The following ZBTB8A variants were observed in gnomAD, a reference collection of about 807,000 sequenced individuals.
ZBTB8A encodes zinc finger and BTB domain-containing protein 8A.
ZBTB8A carries 19 observed loss-of-function variants against 37.8 expected under a neutral mutation model. The observed-to-expected ratio is 0.50, with a 90% CI of 0.35 to 0.74. The LOEUF (loss-of-function observed/expected upper bound fraction) is 0.74. ZBTB8A is among the 30% of genes least tolerant of loss of function. ZBTB8A has a pLI of 0.01. For missense variants in ZBTB8A, 394 were observed against 537.8 expected (o/e 0.73, Z 2.65); for synonymous variants, 181 against 185.2 (o/e 0.98, Z 0.19).
rs1256130156 is a variant in ZBTB8A, at chr1:32,553,525, A to T, written c.-17A>T. The T allele has an allele frequency of 6.6e-6, 1 of 152,180 alleles. No homozygotes were observed. Among genetic ancestry groups the T allele is most frequent in the South Asian group, 2.1e-4 (1 of 4,830 alleles). 9.4% of individuals were successfully genotyped at this position (152,180 alleles called of 1,614,324 possible). On this transcript the variant is annotated 5_prime_UTR_variant, in exon 2 of 5. Transcript: ENST00000373510. The stretch of plus-strand genomic sequence containing the variant: ...CTTTTTTACTCCATTCAAGAGCAGC[A>T]TTCATAAATTTCCAGGTATGACAAA...
intron 1 of ZBTB8A, among the ~76,000 whole-genome samples, chr1:32,545,299 C>G (rs968177493): frequency 6.6e-6 from 1 of 152,072 alleles, no homozygotes; most frequent in Non-Finnish European, 1.5e-5. Flanking sequence ...GAGGTAGTAT[C>G]TCATTGTGAT....
At chr1:32,598,127 T>G (rs1462266731) in intron 4 of ZBTB8A, among the ~76,000 whole-genome samples, 2 of 151,980 alleles carry the variant, frequency 1.3e-5, no homozygotes, top group African/African-American at 4.8e-5. Flanking sequence ...GTTTACTGAT[T>G]AATATGTCAA....
intron 2 of ZBTB8A, among the ~76,000 whole-genome samples, chr1:32,581,817 C>T (rs1644409022): frequency 6.6e-6 from 1 of 152,120 alleles, no homozygotes; most frequent in South Asian, 2.1e-4. Context: ...GAAGGAGAAG[C>T]AGGCATCTTT....
chr1:32,551,344 C>A (rs1644153732), intron 1 of ZBTB8A, among the ~76,000 whole-genome samples: 1 of 152,050 alleles, frequency 6.6e-6, no homozygotes, highest in Non-Finnish European at 1.5e-5. Flanking sequence ...ATCACTTGAG[C>A]CTGAGAGGTC....
At chr1:32,540,210 A>G (rs1279230576) in intron 1 of ZBTB8A, among the ~76,000 whole-genome samples, 1 of 151,948 alleles carries the variant, frequency 6.6e-6, no homozygotes. Flanking sequence ...ACCCATGCGG[A>G]CCGCCTCTTT....
rs1201246810 is a variant in ZBTB8A, at chr1:32,539,547, G to A, written c.-109G>A. 6.0e-5 allele frequency: 9 copies of A among 150,386 alleles called. No individual in the cohort carries two copies. Among genetic ancestry groups the A allele is most frequent in the African/African-American group, 2.2e-4 (9 of 41,254 alleles). The allele number at this position is 150,386 out of a possible 1,614,324, so 9.3% of individuals were successfully genotyped here. On this transcript the variant is annotated 5_prime_UTR_variant, in exon 1 of 5. Transcript: ENST00000373510. ...GAATCTTCCCTCGGCCCGCGCGCGC[G>A]ACCGGCCGGTGCGCCGCGGCCCGCG...
At chr1:32,553,041 T>C (rs1198040529) in intron 1 of ZBTB8A, among the ~76,000 whole-genome samples, 1 of 151,284 alleles carries the variant, frequency 6.6e-6, no homozygotes, top group Non-Finnish European at 1.5e-5. Flanking sequence ...TTAAAAATTG[T>C]ATCTGACAGA....
In ZBTB8A at chr1:32,605,826, G is replaced by T. The variant is rs1445377547; in HGVS notation, c.*5407G>T. On this transcript the variant is annotated 3_prime_UTR_variant, in exon 5 of 5. Transcript: ENST00000373510. ...GACCATCAGCCTAATTCACTGAGGT[G>T]TGTTGTGTATCACTCTATTTTATAG... The T allele has an allele frequency of 1.3e-5, 2 of 151,900 alleles. No individual in the cohort carries two copies. Among genetic ancestry groups the T allele is most frequent in the Non-Finnish European group, 2.9e-5 (2 of 68,040 alleles). The allele number at this position is 151,900 out of a possible 1,614,324, so 9.4% of individuals were successfully genotyped here.
rs1206664364 is a variant in ZBTB8A, at chr1:32,602,288, A to C, written c.*1869A>C. The C allele has an allele frequency of 1.4e-5, 2 of 140,242 alleles. No homozygotes were observed. Among genetic ancestry groups the C allele is most frequent in the East Asian group, 5.1e-4 (2 of 3,888 alleles). 8.7% of individuals were successfully genotyped at this position (140,242 alleles called of 1,614,324 possible). A position where few individuals can be genotyped will look rare whatever the true frequency, so the allele number is the denominator to read the frequency against. On this transcript the variant is annotated 3_prime_UTR_variant, in exon 5 of 5. Coordinates refer to ENST00000373510, the MANE Select transcript of ZBTB8A (RefSeq NM_001040441.3). The stretch of plus-strand genomic sequence containing the variant: ...GGCTGCGGTGGGCTGAGGTTGCGCC[A>C]TTGCACTCCAGCCTGGGCAACAAGA...
At chr1:32,539,831 C>T (rs1644036785) in intron 1 of ZBTB8A, among the ~76,000 whole-genome samples, 1 of 13,524 alleles carries the variant, frequency 7.4e-5, no homozygotes, top group African/African-American at 2.9e-4. Flanking sequence ...GGCGGGAAGG[C>T]GCGCGGAGCC....
intron 2 of ZBTB8A, among the ~76,000 whole-genome samples, chr1:32,565,923 C>T (rs1239404972): frequency 5.9e-5 from 9 of 151,984 alleles, no homozygotes; most frequent in South Asian, 2.1e-4. Flanking sequence ...TAATTCTGGC[C>T]GGGCACCGTG....
At chr1:32,559,888 C>T (rs1421058794) in intron 2 of ZBTB8A, among the ~76,000 whole-genome samples, 1 of 152,126 alleles carries the variant, frequency 6.6e-6, no homozygotes, top group Non-Finnish European at 1.5e-5. Context: ...GCACGCTCAG[C>T]CCCCTTGCCA....
chr1:32,542,402 C>T (rs1472661297), intron 1 of ZBTB8A, among the ~76,000 whole-genome samples: 3 of 148,672 alleles, frequency 2.0e-5, no homozygotes, highest in Non-Finnish European at 4.5e-5. Context: ...GGTGAAACCC[C>T]ATCTTCTTTA....
chr1:32,544,659 T>A (rs1644088122), intron 1 of ZBTB8A, among the ~76,000 whole-genome samples: 1 of 152,210 alleles, frequency 6.6e-6, no homozygotes, highest in Admixed American at 6.5e-5. Flanking sequence ...ATGGTGCTAC[T>A]GCACTCCAGC....
In ZBTB8A at chr1:32,539,460, T is replaced by C. The variant is rs962810402; in HGVS notation, c.-196T>C. On this transcript the variant is annotated 5_prime_UTR_variant, in exon 1 of 5. Coordinates refer to ENST00000373510, the MANE Select transcript of ZBTB8A (RefSeq NM_001040441.3). ...CCTTTTGTTTCTCTCACGTTGGGGCTACTTGTTTTAGGGCGCAAAGGAACG... is the reference window on the plus strand; with the variant it reads ...CCTTTTGTTTCTCTCACGTTGGGGCCACTTGTTTTAGGGCGCAAAGGAACG... The C allele has an allele frequency of 2.6e-5, 4 of 152,460 alleles. No individual in the cohort carries two copies. Among genetic ancestry groups the C allele is most frequent in the African/African-American group, 9.7e-5 (4 of 41,416 alleles). 9.4% of individuals were successfully genotyped at this position (152,460 alleles called of 1,614,324 possible). A position where few individuals can be genotyped will look rare whatever the true frequency, so the allele number is the denominator to read the frequency against.
intron 1 of ZBTB8A, among the ~76,000 whole-genome samples, chr1:32,541,591 A>G (rs1370949837): frequency 6.6e-6 from 1 of 152,170 alleles, no homozygotes; most frequent in Non-Finnish European, 1.5e-5. Flanking sequence ...ATAAAGAACA[A>G]ATTTATTTCT....
In ZBTB8A at chr1:32,563,195, C is replaced by T. The variant is rs952233701; in HGVS notation, c.-2+9655C>T. Reference sequence around the variant, plus strand: ...GGCAAATCATCTACTGCCAGAGGCTCCTGATAGAATCACGTGAGAATGAGG... The same window carrying T: ...GGCAAATCATCTACTGCCAGAGGCTTCTGATAGAATCACGTGAGAATGAGG... On this transcript the variant is annotated intron_variant, in intron 2 of 4. Transcript: ENST00000373510. Among the ~76,000 whole-genome samples the T allele has an allele frequency of 4.6e-5, 7 of 152,126 alleles. No homozygotes were observed. The East Asian group carries it at 1.2e-3, about 25-fold the overall frequency.
chr1:32,595,350 C>T (rs1005743178), intron 4 of ZBTB8A, 127 bp downstream of exon 4: 1 of 891,142 alleles, frequency 1.1e-6, no homozygotes, highest in Non-Finnish European at 1.7e-6. Flanking sequence ...TCGCTGCAAC[C>T]TCTGCCTCCC....
chr1:32,558,079 T>TA (rs1274104520), intron 2 of ZBTB8A, among the ~76,000 whole-genome samples: 4 of 152,142 alleles, frequency 2.6e-5, no homozygotes, highest in African/African-American at 9.7e-5. Flanking sequence ...CACATACACA[T>TA]ATATAACATA....
Sources: allele counts gnomAD v4.1 joint callset (sites outside exome capture counted in the v4.1 genomes callset), GRCh38; gene constraint gnomAD v4.1.1; transcripts MANE v1.5; gene names NCBI Gene and HGNC (gene_info 2026-07-23, HGNC 2026-07-21).